Variants in L3HYPDH observed in about 807,000 individuals in gnomAD.
L3HYPDH encodes the protein trans-L-3-hydroxyproline dehydratase.
L3HYPDH carries 32 observed loss-of-function variants against 26.5 expected under a neutral mutation model. The observed-to-expected ratio is 1.21, with a 90% confidence interval of 0.91 to 1.62. The LOEUF (loss-of-function observed/expected upper bound fraction) is 1.62. Ranked by LOEUF, L3HYPDH falls within the 40% of genes most tolerant of loss-of-function variation. The pLI is 0.00. For missense variants in L3HYPDH, 554 were observed against 476.4 expected (o/e 1.16, Z -1.52); for synonymous variants, 215 against 196.6 (o/e 1.09, Z -0.78).
chr14:59,465,548 C>G (rs1889140102), intron 1 of L3HYPDH, among the ~76,000 whole-genome samples: 2 of 152,222 alleles, frequency 1.3e-5, no homozygotes, highest in Admixed American at 1.3e-4. Context: ...CCTGAGGGAC[C>G]AATGTCCGGC....
downstream of L3HYPDH, among the ~76,000 whole-genome samples, chr14:59,470,444 T>G (rs1458523475): frequency 6.6e-6 from 1 of 152,212 alleles, no homozygotes; most frequent in Admixed American, 6.5e-5. Context: ...GACCTAACTC[T>G]TACTGAGTCT....
chr14:59,501,196 G>T, the L3HYPDH span: 1 of 1,578,846 alleles, frequency 6.3e-7, no homozygotes. Context: ...TTCAGATTAC[G>T]CCTTCCCATA....
downstream of L3HYPDH, among the ~76,000 whole-genome samples, chr14:59,470,195 C>T (rs1298468309): frequency 6.6e-6 from 1 of 152,076 alleles, no homozygotes; most frequent in African/African-American, 2.4e-5. Context: ...GGAGAAGTTG[C>T]CAGCCAGGAT....
rs368765477 is a variant in L3HYPDH, at chr14:59,484,239, G to C, written c.78C>G (p.His26Gln). Residue 26 changes from histidine to glutamine, a missense_variant, in exon 1 of 5, where the codon CAC becomes CAG. His to Gln is a conservative substitution (Grantham distance 24, BLOSUM62 0). Transcript: ENST00000247194. ...CGATACGCAAGGGCTCGCCGCCCGTGTGCATGTCCACCACCGACAGCACCG... is the reference window on the plus strand; with the variant it reads ...CGATACGCAAGGGCTCGCCGCCCGTCTGCATGTCCACCACCGACAGCACCG... ...GTPVLSVVDMHTGGEPLRIVL... is the reference protein window; with the variant it reads ...GTPVLSVVDMQTGGEPLRIVL... 1 of 1,598,274 alleles carries C rather than the reference G, an allele frequency of 6.3e-7. No homozygotes were observed. Among genetic ancestry groups the C allele is most frequent in the Non-Finnish European group, 8.5e-7 (1 of 1,179,696 alleles).
chr14:59,502,750 A>AATTTTTTTTTTTT, the L3HYPDH span, among the ~76,000 whole-genome samples: 3 of 4,908 alleles, frequency 6.1e-4, no homozygotes, highest in African/African-American at 1.0e-3. Flanking sequence ...ATAAAATGAG[A>AATTTTTTTTTTTT]TTTTTTTTTT....
At chr14:59,478,442 G>C (rs1159888214) in intron 2 of L3HYPDH, among the ~76,000 whole-genome samples, 1 of 152,100 alleles carries the variant, frequency 6.6e-6, no homozygotes, top group Middle Eastern at 3.4e-3. Context: ...GATTTAGCTG[G>C]GTGTGATGGG....
rs1284481016 is a variant in L3HYPDH at position 59,483,844 on chromosome 14, C to A, written c.473G>T (p.Arg158Leu). The change falls in exon 1 of 5, where the codon CGC (arginine) becomes CTC (leucine). Residue 158 changes from arginine (R) to leucine (L), a missense_variant. By Grantham distance (102) the Arg-to-Leu change is moderately radical (BLOSUM62 -2). Transcript: ENST00000247194. ...CACGAAGGCCGGGACGCTGTGGAAG[C>A]GCACCGGTCCGTGGCTGCGGCCGTC... is the stretch of plus-strand genomic sequence containing the variant. ...CEDGRSHGPVRFHSVPAFVLA... is the reference protein window; with the variant it reads ...CEDGRSHGPVLFHSVPAFVLA... The A allele has an allele frequency of 3.3e-5, 52 of 1,587,836 alleles. No homozygotes were observed. Among genetic ancestry groups the A allele is most frequent in the Non-Finnish European group, 4.4e-5 (52 of 1,174,374 alleles).
chr14:59,498,894 G>T, the L3HYPDH span: 4 of 1,604,526 alleles, frequency 2.5e-6, no homozygotes, highest in Non-Finnish European at 3.4e-6. Context: ...CAGGCAGTTG[G>T]TGGAGGCCTT....
the L3HYPDH span, among the ~76,000 whole-genome samples, chr14:59,491,596 T>C: frequency 6.6e-6 from 1 of 152,234 alleles, no homozygotes; most frequent in Non-Finnish European, 1.5e-5. Flanking sequence ...AGGAGTTCTG[T>C]TTCCAACAAT....
At chr14:59,498,777 T>C in the L3HYPDH span, 1 of 1,604,518 alleles carries the variant, frequency 6.2e-7, no homozygotes, top group East Asian at 2.2e-5. Context: ...TTAATGATGC[T>C]GCTCCGACCT....
chr14:59,495,417 C>A, the L3HYPDH span: 200,020 of 555,766 alleles, frequency 0.36, 37,950 homozygotes, highest in African/African-American at 0.52. Flanking sequence ...GAATAATGAT[C>A]CTTATAAGGT....
At chr14:59,497,433 C>T in the L3HYPDH span, among the ~76,000 whole-genome samples, 1 of 152,164 alleles carries the variant, frequency 6.6e-6, no homozygotes, top group Non-Finnish European at 1.5e-5. Flanking sequence ...CTTCCAGAAA[C>T]TAGTTTCCTA....
chr14:59,501,216 A>G, the L3HYPDH span: 2 of 1,602,286 alleles, frequency 1.2e-6, no homozygotes, highest in Non-Finnish European at 1.7e-6. Flanking sequence ...ACATTATATT[A>G]GTGTTATCTT....
chr14:59,498,325 A>G, the L3HYPDH span, among the ~76,000 whole-genome samples: 2 of 152,236 alleles, frequency 1.3e-5, no homozygotes, highest in African/African-American at 4.8e-5. Flanking sequence ...CAGCATGAAT[A>G]TACTATAAAA....
At chr14:59,480,269 GGCTGAAGGTCCTTAGT>G (rs1395742590) in intron 1 of L3HYPDH, among the ~76,000 whole-genome samples, 1 of 152,192 alleles carries the variant, frequency 6.6e-6, no homozygotes, top group Non-Finnish European at 1.5e-5. Context: ...GAAGAGTGGA[GGCTGAAGGTCCTTAGT>G]GCAGAGAGGA....
chr14:59,474,428 T>C (rs1304802065), intron 4 of L3HYPDH: 3 of 670,532 alleles, frequency 4.5e-6, no homozygotes, highest in Non-Finnish European at 8.1e-6. Flanking sequence ...TAAATGCATC[T>C]ACTTGCCAAC....
chr14:59,479,844 T>C (rs1341491763), intron 1 of L3HYPDH, among the ~76,000 whole-genome samples: 1 of 152,228 alleles, frequency 6.6e-6, no homozygotes, highest in Admixed American at 6.5e-5. Context: ...TATACACTTA[T>C]CTACATGTTT....
chr14:59,491,456 A>G, the L3HYPDH span, among the ~76,000 whole-genome samples: 18 of 152,248 alleles, frequency 1.2e-4, no homozygotes, highest in Admixed American at 1.1e-3. Context: ...TTATCAAAGT[A>G]ATGGCAAGAA....
the L3HYPDH span, among the ~76,000 whole-genome samples, chr14:59,501,917 A>T: frequency 6.6e-6 from 1 of 152,148 alleles, no homozygotes; most frequent in South Asian, 2.1e-4. Context: ...TTTTTGGCCA[A>T]AAAAGTATCT....
Sources: allele counts gnomAD v4.1 joint callset (sites outside exome capture counted in the v4.1 genomes callset), GRCh38; gene constraint gnomAD v4.1.1; transcripts MANE v1.5; gene names NCBI Gene and HGNC (gene_info 2026-07-23, HGNC 2026-07-21).